Variants in ZGPAT observed in about 807,000 individuals in gnomAD.
ZGPAT encodes zinc finger CCCH-type and G-patch domain containing, also known as zinc finger CCCH-type with G patch domain-containing protein.
In ZGPAT, 39 loss-of-function variants were observed where a neutral mutation model predicts 47.9. The ratio of observed to expected loss-of-function variants is 0.81; its 90% CI spans 0.63 to 1.06. The LOEUF (loss-of-function observed/expected upper bound fraction) is 1.06, where lower values mean the gene tolerates loss of function less well. Ranked by LOEUF, ZGPAT falls within the 50% of genes least tolerant of loss-of-function variation. The pLI is 0.00. For missense variants in ZGPAT, 717 were observed against 681.4 expected (o/e 1.05, Z -0.58); for synonymous variants, 348 against 292.9 (o/e 1.19, Z -1.92).
chr20:63,730,878 A>T (rs115997596), intron 2 of ZGPAT, among the ~76,000 whole-genome samples: 1 of 148,092 alleles, frequency 6.8e-6, no homozygotes, highest in African/African-American at 2.5e-5. Context: ...TTATTTGGCA[A>T]AGTTGAAGAT....
chr20:63,730,431 C>T (rs2091885812), intron 2 of ZGPAT: 1 of 152,280 alleles, frequency 6.6e-6, no homozygotes. Context: ...CCACCCGTTC[C>T]TACTGGAAAG....
At chr20:63,715,503 T>G (rs186920033) in intron 2 of ZGPAT, among the ~76,000 whole-genome samples, 1 of 152,248 alleles carries the variant, frequency 6.6e-6, no homozygotes, top group Non-Finnish European at 1.5e-5. Context: ...CCTCCCGAAG[T>G]GCTGGGATTA....
chr20:63,709,902 C>T (rs2091643637), intron 2 of ZGPAT, among the ~76,000 whole-genome samples: 1 of 152,050 alleles, frequency 6.6e-6, no homozygotes, highest in South Asian at 2.1e-4. Context: ...GTTCTGTTGC[C>T]CAGGCTGGAG....
intron 2 of ZGPAT, among the ~76,000 whole-genome samples, chr20:63,732,889 TGTAC>T (rs2091933633): frequency 6.6e-6 from 1 of 152,014 alleles, no homozygotes; most frequent in Non-Finnish European, 1.5e-5. Flanking sequence ...TGCGTGTATG[TGTAC>T]GTGTGTATAT....
intron 2 of ZGPAT, 54 bp from the exon 3 acceptor site, chr20:63,733,165 G>C (rs1286938107): frequency 1.3e-6 from 2 of 1,591,848 alleles, no homozygotes; most frequent in Admixed American, 3.4e-5. Context: ...TCCTGGGTTG[G>C]TTTGCCCCTG....
chr20:63,721,861 C>T (rs1380327666), intron 2 of ZGPAT, among the ~76,000 whole-genome samples: 2 of 151,912 alleles, frequency 1.3e-5, no homozygotes, highest in Admixed American at 1.3e-4. Flanking sequence ...AGTAAAAATA[C>T]AAAAATTAGC....
At chr20:63,711,884 C>T (rs1036982615) in intron 2 of ZGPAT, among the ~76,000 whole-genome samples, 1 of 152,154 alleles carries the variant, frequency 6.6e-6, no homozygotes, top group African/African-American at 2.4e-5. Flanking sequence ...CACACCCGGC[C>T]CAGGATTTCT....
chr20:63,734,528 C>T, intron 4 of ZGPAT, 177 bp from the exon 5 acceptor site: 1 of 1,265,234 alleles, frequency 7.9e-7, no homozygotes, highest in Non-Finnish European at 1.1e-6. Flanking sequence ...AGCACGGAGC[C>T]CAAGAGGTGG....
At chr20:63,735,711 A>T in intron 6 of ZGPAT, 70 bp from the exon 7 acceptor site, 1 of 1,545,304 alleles carries the variant, frequency 6.5e-7, no homozygotes, top group Non-Finnish European at 8.7e-7. Context: ...GCACACAGGC[A>T]GTGGGTACGG....
intron 2 of ZGPAT, among the ~76,000 whole-genome samples, chr20:63,717,611 G>C (rs2091744523): frequency 6.6e-6 from 1 of 152,118 alleles, no homozygotes; most frequent in East Asian, 1.9e-4. Context: ...GTCTCACTCT[G>C]TTGCCGTTTG....
intron 2 of ZGPAT, 49 bp downstream of exon 2, chr20:63,709,213 G>A (rs1245221059): frequency 3.8e-6 from 6 of 1,589,750 alleles, no homozygotes; most frequent in East Asian, 2.2e-5. Context: ...TAAGGGGCAC[G>A]CACACAGGGT....
chr20:63,734,666 ACT>A, intron 4 of ZGPAT, 37 bp from the exon 5 acceptor site: 5 of 1,608,936 alleles, frequency 3.1e-6, no homozygotes, highest in Non-Finnish European at 4.2e-6. Context: ...GACGCCGTGG[ACT>A]CTGCACAGTC....
intron 2 of ZGPAT, among the ~76,000 whole-genome samples, chr20:63,729,810 C>T (rs778641244): frequency 5.9e-5 from 9 of 152,014 alleles, no homozygotes; most frequent in Non-Finnish European, 1.3e-4. Flanking sequence ...TACATGAGCC[C>T]AGGAGTTCAA....
intron 2 of ZGPAT, among the ~76,000 whole-genome samples, chr20:63,729,573 C>A (rs990873886): frequency 6.6e-6 from 1 of 152,126 alleles, no homozygotes; most frequent in Non-Finnish European, 1.5e-5. Flanking sequence ...CTCTGCCACA[C>A]GAGGCTTTCT....
chr20:63,733,439 G>T, intron 3 of ZGPAT, 87 bp downstream of exon 3: 1 of 1,597,188 alleles, frequency 6.3e-7, no homozygotes, highest in Non-Finnish European at 8.5e-7. Flanking sequence ...GCTTCCTTTG[G>T]GTTGAGTGTC....
At position 63,735,866 on chromosome 20, in the gene ZGPAT, C is replaced by T. The variant is rs1429458244; in HGVS notation, c.1483C>T (p.Leu495=). The change falls in exon 7 of 7, where the codon CTG becomes TTG. Residue 495 remains leucine, a synonymous_variant. Transcript: ENST00000355969. ...GCAGCTCCGGGCTCAGGAAGCCGGC[C>T]TGCAGCAGGAGCAGAGGAAGGCAGA... is the stretch of plus-strand genomic sequence containing the variant. ...LGQLRAQEAG[L]QQEQRKADTH... is the part of the protein sequence containing the mutation. 3.1e-6 allele frequency: 5 copies of T among 1,612,808 alleles called. No homozygotes were observed. The highest frequency in any genetic ancestry group is 4.2e-6 in the Non-Finnish European group (5 of 1,179,960).
Position 63,708,948 on chromosome 20 carries a change from G to A in ZGPAT, c.368G>A (p.Gly123Glu), listed in dbSNP as rs769874588. ...GCAGGTGGGCAGGAGGAGGAAGAGG[G>A]AGAGGACGAGGAAGAGCTGAGTGGG... ...SAAGGQEEEE[G>E]EDEEELSGTK... Residue 123 changes from glycine to glutamate, a missense_variant, in exon 2 of 7, where the codon GGA becomes GAA. Gly to Glu is a moderately conservative substitution (Grantham distance 98). Coordinates refer to ENST00000355969, the MANE Select transcript of ZGPAT (RefSeq NM_181485.3). 9.9e-6 allele frequency: 16 copies of A among 1,613,168 alleles called. No individual in the cohort carries two copies. Among genetic ancestry groups the A allele is most frequent in the South Asian group, 2.2e-5 (2 of 91,086 alleles).
In ZGPAT at chr20:63,734,744, C is replaced by T. The variant is rs1200425357; in HGVS notation, c.911C>T (p.Ser304Phe). Residue 304 changes from serine (S) to phenylalanine (F), a missense_variant, in exon 5 of 7, where the codon TCT becomes TTT. Physicochemically the swap from Ser to Phe is radical, Grantham distance 155. Coordinates refer to ENST00000355969, the MANE Select transcript of ZGPAT (RefSeq NM_181485.3). ...GCTGTGGACTCTGGGACCTGCAGCTCTGCCTTTGCTGGCTGGGAGGTGCAC... is the reference window on the plus strand; with the variant it reads ...GCTGTGGACTCTGGGACCTGCAGCTTTGCCTTTGCTGGCTGGGAGGTGCAC... ...SDAVDSGTCS[S>F]AFAGWEVHTR... The T allele has an allele frequency of 6.2e-7, 1 of 1,613,906 alleles. No individual in the cohort carries two copies. The highest frequency in any genetic ancestry group is 1.3e-5 in the African/African-American group (1 of 74,918).
intron 2 of ZGPAT, among the ~76,000 whole-genome samples, chr20:63,719,379 C>A (rs1171804548): frequency 6.6e-6 from 1 of 152,192 alleles, no homozygotes; most frequent in Non-Finnish European, 1.5e-5. Context: ...TGTCTGTTTG[C>A]CGCTTATGGA....
Sources: gnomAD v4.1 joint callset for allele counts (sites outside exome capture counted in the v4.1 genomes callset) on GRCh38, gnomAD v4.1.1 for gene constraint, MANE v1.5 for transcripts, NCBI Gene and HGNC (gene_info 2026-07-23, HGNC 2026-07-21) for gene names.